The following DERA variants were observed in gnomAD, a reference collection of about 807,000 sequenced individuals.
The protein encoded by DERA is deoxyribose-phosphate aldolase.
DERA carries 15 observed loss-of-function variants against 41.1 expected under a neutral mutation model. That is an observed-to-expected ratio of 0.37 (90% CI 0.24 to 0.56). The LOEUF is 0.56. Ranked by LOEUF, DERA falls within the 20% of genes least tolerant of loss-of-function variation. DERA has a pLI of 0.81. For synonymous variants in DERA, 139 were observed against 137.4 expected, an observed-to-expected ratio of 1.01 and a Z score of -0.08; for missense variants, 396 against 403.4, an observed-to-expected ratio of 0.98 and a Z score of 0.16.
Position 15,993,190 on chromosome 12 carries a change from C to G in DERA, c.637+10754C>G, listed in dbSNP as rs1948813345. Among the ~76,000 whole-genome samples, 1 of 151,284 alleles carries G rather than the reference C, an allele frequency of 6.6e-6. No homozygotes were observed. Among genetic ancestry groups the G allele is most frequent in the Non-Finnish European group, 1.5e-5 (1 of 67,866 alleles). On this transcript the variant is annotated intron_variant, in intron 6 of 8. Transcript: ENST00000428559. The surrounding 1 kb of genome is among the most constrained non-coding windows in gnomAD (Gnocchi z 4.4). Reference sequence around the variant, plus strand: ...GAGAAATAAGAGAATATAGGGGAAGCCATCAAAAAATAAAATAAAGGGGAA... The same window carrying G: ...GAGAAATAAGAGAATATAGGGGAAGGCATCAAAAAATAAAATAAAGGGGAA...
In DERA at chr12:15,959,819, T is replaced by G. The variant is rs1234728227; in HGVS notation, c.278-10T>G. On this transcript the variant is annotated splice_polypyrimidine_tract_variant and intron_variant, in intron 3 of 8. Transcript: ENST00000428559. The surrounding 1 kb of genome is among the most constrained non-coding windows in gnomAD (Gnocchi z 4.5). Reference sequence around the variant, plus strand: ...ATTGAAAGTTGGCTATTCCTATTTTTTCTTGATAGGCATTACTACAGCCGC... The same window carrying G: ...ATTGAAAGTTGGCTATTCCTATTTTGTCTTGATAGGCATTACTACAGCCGC... 1 of 1,528,600 alleles carries G rather than the reference T, an allele frequency of 6.5e-7. No individual in the cohort carries two copies. The highest frequency in any genetic ancestry group is 2.5e-5 in the East Asian group (1 of 40,728). The allele number at this position is 1,528,600 out of a possible 1,614,324, so 94.7% of individuals were successfully genotyped here.
chr12:15,917,862 T>C (rs945160973), intron 1 of DERA, among the ~76,000 whole-genome samples: 1 of 152,130 alleles, frequency 6.6e-6, no homozygotes, highest in African/African-American at 2.4e-5. Context: ...GATAACGATA[T>C]GAGAAGCCAA....
rs1427697702 is a variant in DERA, at chr12:15,941,118, A to G, written c.32-15818A>G. 6.6e-6 allele frequency among the ~76,000 whole-genome samples: 1 copy of G among 152,206 alleles called. No homozygotes were observed. The highest frequency in any genetic ancestry group is 1.5e-5 in the Non-Finnish European group (1 of 68,036). ...AGATTTACAGAATTTGATAAATCAT[A>G]AAAGCATTGCTTTCAGTGTGCTCTC... On this transcript the variant is annotated intron_variant, in intron 1 of 8. Coordinates refer to ENST00000428559, the MANE Select transcript of DERA (RefSeq NM_015954.4). The surrounding 1 kb of genome is among the most constrained non-coding windows in gnomAD (Gnocchi z 4.5).
intron 6 of DERA, among the ~76,000 whole-genome samples, chr12:16,027,071 G>A (rs1949058242): frequency 6.6e-6 from 1 of 152,068 alleles, no homozygotes; most frequent in East Asian, 1.9e-4. Flanking sequence ...ATACTGACAA[G>A]GCATCTGACA....
chr12:16,030,456 T>C (rs1949085056), intron 6 of DERA, among the ~76,000 whole-genome samples: 1 of 152,218 alleles, frequency 6.6e-6, no homozygotes, highest in Non-Finnish European at 1.5e-5. Flanking sequence ...ATTTTTGATG[T>C]TGTAGGCATC....
chr12:15,985,320 T>C lies in DERA; in HGVS notation c.637+2884T>C, dbSNP rs1234335605. ...GATAAGAGATCTTAAGGAGTTTGCC[T>C]AGAAGTATTTCACTGTGTAAGTATA... On this transcript the variant is annotated intron_variant, in intron 6 of 8. Coordinates refer to ENST00000428559, the MANE Select transcript of DERA (RefSeq NM_015954.4). This position sits in a 1 kb window ranked among gnomAD's most constrained non-coding sequence, Gnocchi z 4.2. 2 of 152,224 alleles carry C rather than the reference T, an allele frequency of 1.3e-5. No homozygotes were observed. The highest frequency in any genetic ancestry group is 2.9e-5 in the Non-Finnish European group (2 of 68,036). The allele number at this position is 152,224 out of a possible 1,614,324, so 9.4% of individuals were successfully genotyped here.
chr12:15,967,020 C>T lies in DERA; in HGVS notation c.508+4073C>T, dbSNP rs2136152548. Among the ~76,000 whole-genome samples the T allele has an allele frequency of 6.6e-6, 1 of 151,960 alleles. No homozygotes were observed. Among genetic ancestry groups the T allele is most frequent in the East Asian group, 1.9e-4 (1 of 5,172 alleles). ...AAGTAGACATTCAAATATCACTGACCCTTGACAAAATCAGAGAAATATAGC... is the reference window on the plus strand; with the variant it reads ...AAGTAGACATTCAAATATCACTGACTCTTGACAAAATCAGAGAAATATAGC... On this transcript the variant is annotated intron_variant, in intron 5 of 8. Coordinates refer to ENST00000428559, the MANE Select transcript of DERA (RefSeq NM_015954.4). The surrounding 1 kb of genome is among the most constrained non-coding windows in gnomAD (Gnocchi z 4.9).
At chr12:16,016,617 T>C (rs1205685352) in intron 6 of DERA, among the ~76,000 whole-genome samples, 1 of 151,454 alleles carries the variant, frequency 6.6e-6, no homozygotes, top group Non-Finnish European at 1.5e-5. Flanking sequence ...CCAGACAACA[T>C]GGTAAAACCC....
rs1948162806 is a variant in DERA at position 15,911,447 on chromosome 12, C to G, written c.31+33C>G. Reference sequence around the variant, plus strand: ...GCCCGCGGGGCTCCCCATCCCCTCTCCCTCGCGTTCAGCGCCGCCGGGACT... The same window carrying G: ...GCCCGCGGGGCTCCCCATCCCCTCTGCCTCGCGTTCAGCGCCGCCGGGACT... On this transcript the variant is annotated intron_variant, in intron 1 of 8. Transcript: ENST00000428559. The surrounding 1 kb of genome is among the most constrained non-coding windows in gnomAD (Gnocchi z 4.5). 2.1e-6 allele frequency: 3 copies of G among 1,411,450 alleles called. No homozygotes were observed. 87.4% of individuals were successfully genotyped at this position (1,411,450 alleles called of 1,614,324 possible).
chr12:15,935,734 T>C lies in DERA; in HGVS notation c.32-21202T>C, dbSNP rs1341313443. 6.6e-6 allele frequency among the ~76,000 whole-genome samples: 1 copy of C among 152,222 alleles called. No individual in the cohort carries two copies. The highest frequency in any genetic ancestry group is 1.5e-5 in the Non-Finnish European group (1 of 68,030). On this transcript the variant is annotated intron_variant, in intron 1 of 8. Coordinates refer to ENST00000428559, the MANE Select transcript of DERA (RefSeq NM_015954.4). This position sits in a 1 kb window ranked among gnomAD's most constrained non-coding sequence, Gnocchi z 4.8. ...TTCATATTGGTTTCTATATGTTGTT[T>C]GTTGTTGTGTAATATATTACTCCAA...
intron 5 of DERA, among the ~76,000 whole-genome samples, chr12:15,974,791 A>T (rs1483677654): frequency 6.6e-6 from 1 of 151,872 alleles, no homozygotes; most frequent in Non-Finnish European, 1.5e-5. Context: ...TAATTCTGTC[A>T]TTTCTTCTAT....
rs1196078469 is a variant in DERA at position 15,996,326 on chromosome 12, A to G, written c.637+13890A>G. Among the ~76,000 whole-genome samples, 1 of 152,082 alleles carries G rather than the reference A, an allele frequency of 6.6e-6. No individual in the cohort carries two copies. The highest frequency in any genetic ancestry group is 1.9e-4 in the East Asian group (1 of 5,170). ...AATTAGATGGCCTTAAGCAACAGAA[A>G]TGTGTTCTTAAGGTTCTGGAGGCCA... On this transcript the variant is annotated intron_variant, in intron 6 of 8. Coordinates refer to ENST00000428559, the MANE Select transcript of DERA (RefSeq NM_015954.4). This position sits in a 1 kb window ranked among gnomAD's most constrained non-coding sequence, Gnocchi z 4.7.
intron 1 of DERA, among the ~76,000 whole-genome samples, chr12:15,944,754 T>C (rs1436178449): frequency 6.6e-6 from 1 of 152,214 alleles, no homozygotes; most frequent in Non-Finnish European, 1.5e-5. Flanking sequence ...TTTGTCAATT[T>C]TGGCTTTTGT....
Position 16,012,954 on chromosome 12 carries a change from C to T in DERA, c.638-19588C>T, listed in dbSNP as rs913988328. 4.6e-5 allele frequency among the ~76,000 whole-genome samples: 7 copies of T among 152,094 alleles called. No individual in the cohort carries two copies. Among genetic ancestry groups the T allele is most frequent in the Non-Finnish European group, 1.0e-4 (7 of 68,016 alleles). On this transcript the variant is annotated intron_variant, in intron 6 of 8. Transcript: ENST00000428559. This position sits in a 1 kb window ranked among gnomAD's most constrained non-coding sequence, Gnocchi z 4.1. ...TTTTTGTATTAGTTCCTCAAATCCC[C>T]GTACTTCAGTTTAAACTAGCCACAT...
intron 5 of DERA, among the ~76,000 whole-genome samples, chr12:15,974,030 C>CT (rs1347076397): frequency 6.6e-6 from 1 of 151,988 alleles, no homozygotes; most frequent in African/African-American, 2.4e-5. Context: ...ATCCCATTTC[C>CT]TTTTTTTGAC....
chr12:16,031,829 C>CTACAA (rs1949094369), intron 6 of DERA, among the ~76,000 whole-genome samples: 2 of 152,230 alleles, frequency 1.3e-5, no homozygotes, highest in African/African-American at 4.8e-5. Flanking sequence ...GTAGCTCATG[C>CTACAA]AGGTATTGAC....
Position 15,936,850 on chromosome 12 carries a change from G to C in DERA, c.32-20086G>C, listed in dbSNP as rs866477701. ...CTTATTTCTGCATCTTCTGTCTTGT[G>C]TTGTCTTGTCTTGTCTTGTCTTGTC... On this transcript the variant is annotated intron_variant, in intron 1 of 8. Coordinates refer to ENST00000428559, the MANE Select transcript of DERA (RefSeq NM_015954.4). This position sits in a 1 kb window ranked among gnomAD's most constrained non-coding sequence, Gnocchi z 4.6. Among the ~76,000 whole-genome samples the C allele has an allele frequency of 3.1e-5, 4 of 129,418 alleles. No individual in the cohort carries two copies. The highest frequency in any genetic ancestry group is 8.3e-5 in the Admixed American group (1 of 12,018). The allele number at this position is 129,418 out of a possible 152,430, so 84.9% of individuals were successfully genotyped here. A position where few individuals can be genotyped will look rare whatever the true frequency, so the allele number is the denominator to read the frequency against.
At chr12:15,960,580 T>C (rs1948578053) in intron 4 of DERA, among the ~76,000 whole-genome samples, 2 of 127,760 alleles carry the variant, frequency 1.6e-5, no homozygotes, top group African/African-American at 3.1e-5. Context: ...GAGGTTGCAG[T>C]GAGCTGAGAT....
At chr12:15,960,046 A>G (rs1948572411) in intron 4 of DERA, 122 bp downstream of exon 4, 3 of 677,846 alleles carry the variant, frequency 4.4e-6, no homozygotes, top group African/African-American at 1.8e-5. Flanking sequence ...AATTAGTTGT[A>G]TTTATTCATG....
Sources: allele counts gnomAD v4.1 joint callset (sites outside exome capture counted in the v4.1 genomes callset), GRCh38; gene constraint gnomAD v4.1.1; non-coding constraint Gnocchi (gnomAD v3.1); transcripts MANE v1.5; gene names NCBI Gene and HGNC (gene_info 2026-07-23, HGNC 2026-07-21).